KLHL1: variants seen among roughly 807,000 people sequenced by gnomAD.
KLHL1 encodes kelch like family member 1, also known as kelch-like protein 1.
KLHL1 carries 47 observed loss-of-function variants against 77.7 expected under a neutral mutation model. The observed-to-expected ratio is 0.60, with a 90% CI of 0.48 to 0.77. The LOEUF is 0.77. KLHL1 is among the 30% of genes least tolerant of loss of function. The pLI is 0.00. For missense variants in KLHL1, 925 were observed against 910.8 expected (o/e 1.02, Z -0.20); for synonymous variants, 360 against 325.2 (o/e 1.11, Z -1.15).
intron 1 of KLHL1, among the ~76,000 whole-genome samples, chr13:70,106,078 TAC>T (rs774015046): frequency 2.6e-4 from 39 of 151,432 alleles, no homozygotes; most frequent in Non-Finnish European, 5.3e-4. Flanking sequence ...CATATATACA[TAC>T]ACACACATAT....
chr13:70,010,027 A>C (rs1201032263), intron 1 of KLHL1, among the ~76,000 whole-genome samples: 1 of 152,040 alleles, frequency 6.6e-6, no homozygotes, highest in African/African-American at 2.4e-5. Flanking sequence ...CATTACAAGA[A>C]GGAGAAAAAA....
At chr13:70,023,094 G>A (rs1885844565) in intron 1 of KLHL1, among the ~76,000 whole-genome samples, 2 of 151,816 alleles carry the variant, frequency 1.3e-5, no homozygotes, top group South Asian at 4.1e-4. Context: ...TAGAGTGCTG[G>A]AAAATGAATA....
chr13:69,952,006 C>G (rs1315387763), intron 3 of KLHL1, among the ~76,000 whole-genome samples: 1 of 151,322 alleles, frequency 6.6e-6, no homozygotes, highest in African/African-American at 2.4e-5. Context: ...TGTTATTTCC[C>G]CTCTTGGATA....
intron 7 of KLHL1, among the ~76,000 whole-genome samples, chr13:69,771,942 TATA>T: frequency 6.6e-6 from 1 of 151,824 alleles, no homozygotes; most frequent in Non-Finnish European, 1.5e-5. Context: ...CAATAAATAG[TATA>T]ATAATAATAA....
intron 7 of KLHL1, among the ~76,000 whole-genome samples, chr13:69,789,735 T>C (rs1876770698): frequency 6.6e-6 from 1 of 152,218 alleles, no homozygotes; most frequent in Admixed American, 6.5e-5. Flanking sequence ...TAAGTTGAGC[T>C]ACTTCTCCTT....
At chr13:69,990,806 C>A (rs937504916) in intron 1 of KLHL1, among the ~76,000 whole-genome samples, 7 of 151,884 alleles carry the variant, frequency 4.6e-5, no homozygotes, top group African/African-American at 7.3e-5. Context: ...ACCAAATGGA[C>A]CTAATAAACA....
rs186955672 is a variant in KLHL1, at chr13:70,074,327, T to C, written c.497+32876A>G. Among the ~76,000 whole-genome samples, 122 of 152,202 alleles carry C rather than the reference T, an allele frequency of 8.0e-4. 2 individuals are homozygous for C. Among genetic ancestry groups the C allele is most frequent in the African/African-American group, 2.9e-3 (120 of 41,478 alleles). ...CTTTCTGTCGTCTGTCTGGTCCCTC[T>C]ATAATCTCGGATCTAAGGTGATGCC... is the stretch of plus-strand genomic sequence containing the variant. On this transcript the variant is annotated intron_variant, in intron 1 of 10. Transcript: ENST00000377844.
intron 1 of KLHL1, among the ~76,000 whole-genome samples, chr13:69,985,477 A>C (rs1884837103): frequency 6.6e-6 from 1 of 151,884 alleles, no homozygotes. Context: ...TGTTATCAAA[A>C]AGAAAAAAAT....
chr13:69,802,473 C>T (rs919641190), intron 6 of KLHL1, among the ~76,000 whole-genome samples: 8 of 151,876 alleles, frequency 5.3e-5, no homozygotes, highest in African/African-American at 9.7e-5. Flanking sequence ...TTTCTGCCTC[C>T]GTAGAAAAAA....
At chr13:69,787,220 G>T (rs1876601821) in intron 7 of KLHL1, among the ~76,000 whole-genome samples, 1 of 152,072 alleles carries the variant, frequency 6.6e-6, no homozygotes, top group African/African-American at 2.4e-5. Context: ...TAAGCCAAAA[G>T]AACAAAGCTG....
chr13:69,769,625 CA>C (rs1875468065), intron 7 of KLHL1, among the ~76,000 whole-genome samples: 1 of 152,044 alleles, frequency 6.6e-6, no homozygotes, highest in African/African-American at 2.4e-5. Flanking sequence ...CTGCCTTTTC[CA>C]AGGCTACCTG....
chr13:70,055,716 T>C (rs750925191), intron 1 of KLHL1, among the ~76,000 whole-genome samples: 1 of 152,076 alleles, frequency 6.6e-6, no homozygotes, highest in African/African-American at 2.4e-5. Flanking sequence ...TCTTTGTTAA[T>C]TGGTTTGTTT....
intron 7 of KLHL1, among the ~76,000 whole-genome samples, chr13:69,743,129 T>C: frequency 6.6e-6 from 1 of 152,288 alleles, no homozygotes; most frequent in African/African-American, 2.4e-5. Context: ...TATGCTCTTC[T>C]GGAGAATATG....
At chr13:70,024,744 C>T (rs1885899686) in intron 1 of KLHL1, among the ~76,000 whole-genome samples, 1 of 151,414 alleles carries the variant, frequency 6.6e-6, no homozygotes, top group African/African-American at 2.4e-5. Context: ...GAGAGAAGAA[C>T]TCGCACAGCA....
intron 2 of KLHL1, among the ~76,000 whole-genome samples, chr13:69,971,049 TAGTC>T (rs1399334392): frequency 1.3e-5 from 2 of 152,290 alleles, no homozygotes; most frequent in Non-Finnish European, 2.9e-5. Flanking sequence ...TAAATTATGA[TAGTC>T]AGTCTATTGT....
intron 8 of KLHL1, among the ~76,000 whole-genome samples, chr13:69,722,238 TGA>T (rs1299908021): frequency 6.6e-6 from 1 of 152,030 alleles, no homozygotes; most frequent in Non-Finnish European, 1.5e-5. Flanking sequence ...ATTATACTAT[TGA>T]GTTATTTGAA....
rs545312838 is a variant in KLHL1 at position 70,011,692 on chromosome 13, G to T, written c.498-35890C>A. Reference sequence around the variant, plus strand: ...TGAGAGAAAAGACCAGGTAGGTGATGTTGCTACAATATTTCTGGTTAGGAA... The same window carrying T: ...TGAGAGAAAAGACCAGGTAGGTGATTTTGCTACAATATTTCTGGTTAGGAA... On this transcript the variant is annotated intron_variant, in intron 1 of 10. Coordinates refer to ENST00000377844, the MANE Select transcript of KLHL1 (RefSeq NM_020866.3). Among the ~76,000 whole-genome samples, 14 of 152,306 alleles carry T rather than the reference G, an allele frequency of 9.2e-5. No homozygotes were observed. The South Asian group carries it at 2.9e-3, about 32-fold the overall frequency.
intron 8 of KLHL1, among the ~76,000 whole-genome samples, chr13:69,738,044 C>T (rs1873835437): frequency 6.6e-6 from 1 of 152,148 alleles, no homozygotes; most frequent in Admixed American, 6.5e-5. Context: ...GAGCAAGCTG[C>T]CATCTTTGCT....
At chr13:70,086,591 AAAGAAAGAAAGAAAG>A (rs1276514067) in intron 1 of KLHL1, among the ~76,000 whole-genome samples, 948 of 32,398 alleles carry the variant, frequency 0.029, 44 homozygotes, top group African/African-American at 0.037. Context: ...AAAAAAAAAA[AAAGAAAGAAAGAAAG>A]AAAGAAAGAA....
Sources: gnomAD v4.1 joint callset for allele counts (sites outside exome capture counted in the v4.1 genomes callset) on GRCh38, gnomAD v4.1.1 for gene constraint, MANE v1.5 for transcripts, NCBI Gene and HGNC (gene_info 2026-07-23, HGNC 2026-07-21) for gene names.